The following CDON variants were observed in gnomAD, a reference collection of about 807,000 sequenced individuals.
CDON encodes cell adhesion associated, oncogene regulated.
Under a neutral mutation model 120.9 loss-of-function variants are expected in CDON, and 73 were observed. The ratio of observed to expected loss-of-function variants is 0.60; its 90% CI spans 0.50 to 0.73. The LOEUF (loss-of-function observed/expected upper bound fraction) is 0.73. Among genes scored for constraint, CDON ranks in the 30% least tolerant of loss-of-function variants. The pLI is 0.00. For synonymous variants in CDON, 566 were observed against 573.5 expected (o/e 0.99, Z 0.19); for missense variants, 1,470 against 1,587.3 (o/e 0.93, Z 1.26).
intron 18 of CDON, among the ~76,000 whole-genome samples, chr11:125,963,636 T>C (rs1163588719): frequency 6.6e-6 from 1 of 152,160 alleles, no homozygotes; most frequent in Non-Finnish European, 1.5e-5. Context: ...AAATCTTTAA[T>C]TTAAATAACT....
intron 7 of CDON, among the ~76,000 whole-genome samples, chr11:126,012,833 G>C (rs190285747): frequency 3.9e-4 from 59 of 152,290 alleles, no homozygotes; most frequent in African/African-American, 1.3e-3. Flanking sequence ...ATTTGGGATA[G>C]CCCATGTTGA....
chr11:125,962,882 T>C (rs917184829), intron 18 of CDON, among the ~76,000 whole-genome samples: 1 of 152,240 alleles, frequency 6.6e-6, no homozygotes, highest in Non-Finnish European at 1.5e-5. Flanking sequence ...CTTGAACATA[T>C]TTATAATGGC....
chr11:125,961,104 T>C lies in CDON; in HGVS notation c.3633A>G (p.Gly1211=), dbSNP rs1172864215. The change falls in exon 20 of 20, where the codon GGA becomes GGG. Residue 1211 remains glycine (G), a splice_region_variant and synonymous_variant. Coordinates refer to ENST00000531738, the MANE Select transcript of CDON (RefSeq NM_001378964.1). ...GSEDPAEFSR[G]DSCAHSETEI... ...CTGTTTCTGAATGGGCACAGCTGTC[T>C]CCTGAAACACAGCAGGGTTTGGGAG... 1 of 1,613,794 alleles carries C rather than the reference T, an allele frequency of 6.2e-7. No homozygotes were observed. Among genetic ancestry groups the C allele is most frequent in the Non-Finnish European group, 8.5e-7 (1 of 1,179,788 alleles).
chr11:126,017,917 T>A (rs1947517810), intron 5 of CDON, among the ~76,000 whole-genome samples: 1 of 152,064 alleles, frequency 6.6e-6, no homozygotes, highest in African/African-American at 2.4e-5. Context: ...CTTTTTTTTT[T>A]AAGACAGAGT....
intron 1 of CDON, among the ~76,000 whole-genome samples, chr11:126,048,788 A>G (rs1948474728): frequency 6.6e-6 from 1 of 151,946 alleles, no homozygotes; most frequent in African/African-American, 2.4e-5. Context: ...ACTGCCACCT[A>G]TGCCTCCCAG....
intron 7 of CDON, among the ~76,000 whole-genome samples, chr11:126,012,636 T>G (rs2134642732): frequency 6.6e-6 from 1 of 151,574 alleles, no homozygotes; most frequent in East Asian, 2.0e-4. Flanking sequence ...CTCGAACTCC[T>G]GAGCTCAGGC....
intron 1 of CDON, among the ~76,000 whole-genome samples, chr11:126,057,214 TA>T (rs1412469763): frequency 6.6e-6 from 1 of 152,198 alleles, no homozygotes; most frequent in African/African-American, 2.4e-5. Flanking sequence ...GATTTTCTAG[TA>T]ATGTAGGAAG....
Position 125,960,769 on chromosome 11 carries a change from A to G in CDON, c.*173T>C. On this transcript the variant is annotated 3_prime_UTR_variant, in exon 20 of 20. Coordinates refer to ENST00000531738, the MANE Select transcript of CDON (RefSeq NM_001378964.1). ...GGGGAAGAAAACATTTAAGGCATAA[A>G]TAATATAAAAGGGCACACGTTTTAA... 1.5e-6 allele frequency: 1 copy of G among 669,050 alleles called. No individual in the cohort carries two copies. Among genetic ancestry groups the G allele is most frequent in the Non-Finnish European group, 2.6e-6 (1 of 377,490 alleles). 41.4% of individuals were successfully genotyped at this position (669,050 alleles called of 1,614,324 possible). A position where few individuals can be genotyped will look rare whatever the true frequency, so the allele number is the denominator to read the frequency against.
intron 1 of CDON, among the ~76,000 whole-genome samples, chr11:126,046,883 T>A (rs1253757508): frequency 6.6e-6 from 1 of 152,212 alleles, no homozygotes; most frequent in African/African-American, 2.4e-5. Flanking sequence ...GTGGTTTTAA[T>A]ACTGCCAATC....
At chr11:125,968,101 G>C (rs1284362298) in intron 18 of CDON, among the ~76,000 whole-genome samples, 1 of 151,642 alleles carries the variant, frequency 6.6e-6, no homozygotes, top group Non-Finnish European at 1.5e-5. Context: ...TTAAGATACA[G>C]GAAAAAAAAT....
In CDON at chr11:125,970,366, G is replaced by T. The variant is rs140114295; in HGVS notation, c.3356+7938C>A. ...ATTTTTGTTTTTTTAGTAGAGATGG[G>T]GTTTCACCATGTTGGTCAGGCTGGT... On this transcript the variant is annotated intron_variant, in intron 18 of 19. Coordinates refer to ENST00000531738, the MANE Select transcript of CDON (RefSeq NM_001378964.1). Among the ~76,000 whole-genome samples, 924 of 151,732 alleles carry T rather than the reference G, an allele frequency of 6.1e-3. 5 individuals carry two copies. Among genetic ancestry groups the T allele is most frequent in the African/African-American group, 0.021 (855 of 41,342 alleles).
At chr11:126,002,790 G>A (rs566219126) in intron 10 of CDON, among the ~76,000 whole-genome samples, 9 of 152,200 alleles carry the variant, frequency 5.9e-5, no homozygotes, top group Admixed American at 1.3e-4. Context: ...AATCAAAGTC[G>A]TCCCAAGGTG....
At chr11:126,060,669 GAAGC>G (rs991372084) in intron 1 of CDON, among the ~76,000 whole-genome samples, 5 of 152,128 alleles carry the variant, frequency 3.3e-5, no homozygotes, top group African/African-American at 1.2e-4. Flanking sequence ...GGGAAAATAA[GAAGC>G]AAGCCCAAGA....
intron 14 of CDON, among the ~76,000 whole-genome samples, chr11:125,990,349 GCTTTT>G (rs1437902079): frequency 6.6e-6 from 1 of 152,262 alleles, no homozygotes; most frequent in East Asian, 1.9e-4. Flanking sequence ...CCCCACTCCT[GCTTTT>G]CTTTTGAGTC....
rs202165776 is a variant in CDON at position 126,032,828 on chromosome 11, G to A, written c.-61-9291C>T. Among the ~76,000 whole-genome samples, 18 of 152,166 alleles carry A rather than the reference G, an allele frequency of 1.2e-4. No homozygotes were observed. In the East Asian group the frequency reaches 3.3e-3, roughly 28 times the overall value. ...TCCAAGACCAGCCTGGGCAACATAGGGAGATCCCATCTCTACCAAAAATAC... is the reference window on the plus strand; with the variant it reads ...TCCAAGACCAGCCTGGGCAACATAGAGAGATCCCATCTCTACCAAAAATAC... On this transcript the variant is annotated intron_variant, in intron 1 of 19. Coordinates refer to ENST00000531738, the MANE Select transcript of CDON (RefSeq NM_001378964.1).
At chr11:126,027,214 GACA>G (rs145672950) in intron 1 of CDON, among the ~76,000 whole-genome samples, 1,538 of 152,288 alleles carry the variant, frequency 0.01, 27 homozygotes, top group African/African-American at 0.035. Flanking sequence ...CTGTGATAAT[GACA>G]ACAAGGAGTT....
intron 5 of CDON, 108 bp downstream of exon 5, chr11:126,018,222 C>A: frequency 8.0e-7 from 1 of 1,242,938 alleles, no homozygotes; most frequent in Non-Finnish European, 1.2e-6. Flanking sequence ...TTTGGTAAGA[C>A]TTTTTATGAT....
intron 11 of CDON, 86 bp downstream of exon 11, chr11:126,001,629 TAAAC>T (rs1345953234): frequency 1.8e-6 from 2 of 1,107,856 alleles, no homozygotes; most frequent in Non-Finnish European, 2.7e-6. Context: ...GATATGAAAA[TAAAC>T]AAACACCCTA....
intron 1 of CDON, among the ~76,000 whole-genome samples, chr11:126,026,557 CTGCTCACCTTCTCTA>C (rs1430374842): frequency 1.3e-5 from 2 of 152,214 alleles, no homozygotes; most frequent in African/African-American, 4.8e-5. Context: ...CTCCCAGAAT[CTGCTCACCTTCTCTA>C]TGCCAAGTAC....
Sources: allele counts gnomAD v4.1 joint callset (sites outside exome capture counted in the v4.1 genomes callset), GRCh38; gene constraint gnomAD v4.1.1; transcripts MANE v1.5; gene names NCBI Gene and HGNC (gene_info 2026-07-23, HGNC 2026-07-21).